The following GIPR variants were observed in gnomAD, a reference collection of about 807,000 sequenced individuals.
The protein encoded by GIPR is GIP-R.
Under a neutral mutation model 62.2 loss-of-function variants are expected in GIPR, and 74 were observed. The observed-to-expected ratio is 1.19, with a 90% confidence interval of 0.99 to 1.44. The LOEUF is 1.44. GIPR is among the 40% of genes most tolerant of loss of function. The probability of loss-of-function intolerance (pLI) is 0.00; values close to 1 mark genes in which losing one functional copy is unlikely to be tolerated. For synonymous variants in GIPR, 256 were observed against 262.2 expected (o/e 0.98, Z 0.23); for missense variants, 664 against 611.8 (o/e 1.09, Z -0.90).
chr19:45,673,220 G>A (rs923510757), intron 5 of GIPR, among the ~76,000 whole-genome samples: 1 of 151,998 alleles, frequency 6.6e-6, no homozygotes, highest in Non-Finnish European at 1.5e-5. Context: ...AGGAGTTTGA[G>A]ACCAGCCTGG....
At chr19:45,673,944 A>C in intron 5 of GIPR, 130 bp from the exon 6 acceptor site, 1 of 760,064 alleles carries the variant, frequency 1.3e-6, no homozygotes, top group South Asian at 1.4e-5. Context: ...TTCTCAAATA[A>C]GGGTAAGCAG....
rs147918291 is a variant in GIPR, at chr19:45,676,150, C to T, written c.634-799C>T. Among the ~76,000 whole-genome samples, 40 of 150,008 alleles carry T rather than the reference C, an allele frequency of 2.7e-4. No homozygotes were observed. In the East Asian group the frequency reaches 7.8e-3, roughly 29 times the overall value. ...CCTGGGAGGCAGAGATTGCAGTGAG[C>T]CGAGATCGTGCCATTGCGCTCCAGC... On this transcript the variant is annotated intron_variant, in intron 7 of 13. Coordinates refer to ENST00000590918, the MANE Select transcript of GIPR (RefSeq NM_000164.4).
chr19:45,674,090 T>TG lies in GIPR; in HGVS notation c.403dup (p.Glu135GlyfsTer35). ...CCCGACCAGGACCAAAGGCTCATCT[T>TG]GGAGCGGTTGCAGGTCATGTACACT... On this transcript the variant is annotated frameshift_variant, in exon 6 of 14. Coordinates refer to ENST00000590918, the MANE Select transcript of GIPR (RefSeq NM_000164.4). LOFTEE classifies it high-confidence loss of function. 1 of 1,611,350 alleles carries TG rather than the reference T, an allele frequency of 6.2e-7. No individual in the cohort carries two copies. The highest frequency in any genetic ancestry group is 8.5e-7 in the Non-Finnish European group (1 of 1,177,474).
Position 45,674,792 on chromosome 19 carries a change from A to G in GIPR, c.599A>G (p.Tyr200Cys). 1 of 1,613,778 alleles carries G rather than the reference A, an allele frequency of 6.2e-7. No homozygotes were observed. The highest frequency in any genetic ancestry group is 8.5e-7 in the Non-Finnish European group (1 of 1,179,920). ...RDRLLPRPGPYLGDQALALWN... is the reference protein window; with the variant it reads ...RDRLLPRPGPCLGDQALALWN... ...CGTCTGCTACCTCGACCTGGCCCCT[A>G]CCTTGGGGACCAGGCCCTTGCGCTG... The change falls in exon 7 of 14, where the codon TAC (tyrosine) becomes TGC (cysteine). Residue 200 changes from tyrosine (Y) to cysteine (C), a missense_variant. Coordinates refer to ENST00000590918, the MANE Select transcript of GIPR (RefSeq NM_000164.4).
intron 2 of GIPR, 26 bp downstream of exon 2, chr19:45,669,618 C>T: frequency 6.4e-7 from 1 of 1,561,766 alleles, no homozygotes; most frequent in Non-Finnish European, 8.6e-7. Context: ...GCCAGAGGAG[C>T]TCCAGGCTTG....
intron 13 of GIPR, 27 bp downstream of exon 13, chr19:45,681,672 C>T (rs1967237523): frequency 2.5e-6 from 4 of 1,612,278 alleles, no homozygotes; most frequent in Admixed American, 1.7e-5. Flanking sequence ...CCGCCGCCCC[C>T]GCCCTCTGGC....
rs569122841 is a variant in GIPR at position 45,674,362 on chromosome 19, C to A, written c.488+185C>A. ...GTGGCTGATGCCTGTAATCCCAGCT[C>A]TTTGGGATGCCAAGGCAGGAGGATC... On this transcript the variant is annotated intron_variant, in intron 6 of 13. Coordinates refer to ENST00000590918, the MANE Select transcript of GIPR (RefSeq NM_000164.4). 2.3e-4 allele frequency: 158 copies of A among 675,166 alleles called. 1 individual carries two copies. In the East Asian group the frequency reaches 3.9e-3, roughly 17 times the overall value. The allele number at this position is 675,166 out of a possible 1,614,324, so 41.8% of individuals were successfully genotyped here.
chr19:45,674,897 C>A, intron 7 of GIPR, 71 bp downstream of exon 7: 2 of 1,388,242 alleles, frequency 1.4e-6, no homozygotes, highest in Non-Finnish European at 2.0e-6. Flanking sequence ...GTTCTCAGTC[C>A]ATTTCCTATC....
intron 12 of GIPR, among the ~76,000 whole-genome samples, chr19:45,679,484 A>G (rs1172406751): frequency 6.6e-5 from 3 of 45,760 alleles, no homozygotes; most frequent in South Asian, 1.6e-3. Context: ...ATGTCTCAAG[A>G]AAAAAAAAAA....
Position 45,677,389 on chromosome 19 carries a change from T to C in GIPR, c.854+6T>C, listed in dbSNP as rs1967003275. 2 of 1,568,720 alleles carry C rather than the reference T, an allele frequency of 1.3e-6. No homozygotes were observed. The highest frequency in any genetic ancestry group is 1.8e-6 in the Non-Finnish European group (2 of 1,141,682). On this transcript the variant is annotated splice_donor_region_variant and intron_variant, in intron 9 of 13. Transcript: ENST00000590918. The stretch of plus-strand genomic sequence containing the variant: ...TACCTGTACGAGAACACGCAGTGAG[T>C]TGCAGGGTCTGGGGCGGGGCGTGGG...
At chr19:45,677,434 GGACTGTGGCGGGTTGT>G (rs1273000755) in intron 9 of GIPR, 51 bp downstream of exon 9, 11 of 1,245,118 alleles carry the variant, frequency 8.8e-6, no homozygotes, top group African/African-American at 8.8e-5. Context: ...GGGCTTTGAG[GGACTGTGGCGGGTTGT>G]GATGGACATG....
chr19:45,672,870 C>T lies in GIPR; in HGVS notation c.300C>T (p.Leu100=), dbSNP rs1975614398. Residue 100 remains leucine, a synonymous_variant, in exon 5 of 14, where the codon CTC becomes CTT. Coordinates refer to ENST00000590918, the MANE Select transcript of GIPR (RefSeq NM_000164.4). ...CCACAGTGGCTGCAGGTTTCGTCCT[C>T]CGCCAGTGTGGCAGTGATGGCCAAT... is the stretch of plus-strand genomic sequence containing the variant. ...WHHHVAAGFV[L]RQCGSDGQWG... is the part of the protein sequence containing the mutation. 1.9e-6 allele frequency: 3 copies of T among 1,612,416 alleles called. No individual in the cohort carries two copies. Among genetic ancestry groups the T allele is most frequent in the Non-Finnish European group, 2.5e-6 (3 of 1,178,574 alleles).
Position 45,676,931 on chromosome 19 carries a change from G to T in GIPR, c.634-18G>T, listed in dbSNP as rs1025850461. On this transcript the variant is annotated intron_variant, in intron 7 of 13. Coordinates refer to ENST00000590918, the MANE Select transcript of GIPR (RefSeq NM_000164.4). Reference sequence around the variant, plus strand: ...GGGCAGCGCTGACTACCCCTCTACCGGTCTGGCCCCTCCCTAGGCCCTCGC... The same window carrying T: ...GGGCAGCGCTGACTACCCCTCTACCTGTCTGGCCCCTCCCTAGGCCCTCGC... The T allele has an allele frequency of 2.5e-6, 4 of 1,612,854 alleles. No individual in the cohort carries two copies. The highest frequency in any genetic ancestry group is 3.4e-6 in the Non-Finnish European group (4 of 1,179,602).
At chr19:45,675,333 T>C (rs1975782932) in intron 7 of GIPR, 1 of 161,032 alleles carries the variant, frequency 6.2e-6, no homozygotes, top group African/African-American at 2.4e-5. Flanking sequence ...TCCCAGCACT[T>C]TGGGAGGCCA....
chr19:45,672,718 T>TATCATC (rs13306396), intron 4 of GIPR, 133 bp from the exon 5 acceptor site: 142 of 696,428 alleles, frequency 2.0e-4, no homozygotes, highest in Middle Eastern at 7.3e-4. Context: ...TATAAGGGTT[T>TATCATC]ATCATCATCA....
At chr19:45,679,611 TA>T (rs764657393) in intron 12 of GIPR, among the ~76,000 whole-genome samples, 2 of 152,066 alleles carry the variant, frequency 1.3e-5, no homozygotes, top group African/African-American at 4.8e-5. Flanking sequence ...TATTTATTTT[TA>T]TTTTTTTAGA....
chr19:45,674,619 G>C, intron 6 of GIPR, 63 bp from the exon 7 acceptor site: 1 of 1,485,450 alleles, frequency 6.7e-7, no homozygotes, highest in South Asian at 1.1e-5. Context: ...AAAAAAAATA[G>C]AACTCTGTGT....
At position 45,682,153 on chromosome 19, in the gene GIPR, G is replaced by C. The variant is rs1175984924; in HGVS notation, c.*218G>C. The stretch of plus-strand genomic sequence containing the variant: ...ATGGTTATGAAGGGAAGCGAGAAGG[G>C]GGCCTAGGGTGGTCTGGGAGGCGTC... On this transcript the variant is annotated 3_prime_UTR_variant, in exon 14 of 14. Coordinates refer to ENST00000590918, the MANE Select transcript of GIPR (RefSeq NM_000164.4). The C allele has an allele frequency of 8.6e-6, 5 of 578,302 alleles. No homozygotes were observed. The East Asian group carries it at 1.5e-4, about 18-fold the overall frequency. The allele number at this position is 578,302 out of a possible 1,614,324, so 35.8% of individuals were successfully genotyped here.
intron 5 of GIPR, among the ~76,000 whole-genome samples, 177 bp from the exon 6 acceptor site, chr19:45,673,897 T>C (rs570883459): frequency 1.3e-5 from 2 of 151,940 alleles, no homozygotes; most frequent in Middle Eastern, 3.4e-3. Flanking sequence ...GCTGGTCACA[T>C]GCCTCGTGCC....
Sources: gnomAD v4.1 joint callset for allele counts (sites outside exome capture counted in the v4.1 genomes callset) on GRCh38, gnomAD v4.1.1 for gene constraint, MANE v1.5 for transcripts, NCBI Gene and HGNC (gene_info 2026-07-23, HGNC 2026-07-21) for gene names.